The following MRPS5 variants were observed in gnomAD, a reference collection of about 807,000 sequenced individuals.
MRPS5 encodes the protein small ribosomal subunit protein uS5m.
A neutral mutation model predicts 51.9 loss-of-function variants in MRPS5; 27 were observed. That is an observed-to-expected ratio of 0.52 (90% confidence interval 0.38 to 0.72). The LOEUF is 0.72. MRPS5 is among the 30% of genes least tolerant of loss of function. MRPS5 has a pLI of 0.00. For missense variants in MRPS5, 570 were observed against 545.7 expected, an observed-to-expected ratio of 1.04 and a Z score of -0.44; for synonymous variants, 196 against 193.2, an observed-to-expected ratio of 1.01 and a Z score of -0.12.
At chr2:95,088,283 A>G (rs1051790433) in intron 11 of MRPS5, among the ~76,000 whole-genome samples, 3 of 152,194 alleles carry the variant, frequency 2.0e-5, no homozygotes, top group Admixed American at 6.5e-5. Context: ...GAAGATACAT[A>G]CTAAAATATT....
chr2:95,090,855 G>GTCTCT (rs936550630), intron 10 of MRPS5: 16 of 251,202 alleles, frequency 6.4e-5, no homozygotes, highest in African/African-American at 3.3e-4. Flanking sequence ...GGAGGGACAC[G>GTCTCT]TCTCTTCTCA....
intron 1 of MRPS5, 42 bp downstream of exon 1, chr2:95,121,692 C>A (rs765409450): frequency 6.6e-7 from 1 of 1,522,678 alleles, no homozygotes; most frequent in Non-Finnish European, 8.8e-7. Context: ...CCCCCACTCC[C>A]GGCCCGCTCA....
chr2:95,104,540 G>T, intron 7 of MRPS5, 100 bp downstream of exon 7: 1 of 1,279,952 alleles, frequency 7.8e-7, no homozygotes, highest in Non-Finnish European at 1.1e-6. Flanking sequence ...AATGGAAAAA[G>T]TCCGGCCAGC....
intron 2 of MRPS5, 36 bp downstream of exon 2, chr2:95,117,829 C>A: frequency 6.7e-7 from 1 of 1,499,408 alleles, no homozygotes; most frequent in African/African-American, 1.4e-5. Flanking sequence ...GACATTAGAT[C>A]TTATGAGAAA....
chr2:95,105,670 A>G (rs1675928913), intron 6 of MRPS5, among the ~76,000 whole-genome samples: 1 of 152,200 alleles, frequency 6.6e-6, no homozygotes, highest in Admixed American at 6.5e-5. Flanking sequence ...GCTTGAATCC[A>G]CCTCTGTGGA....
chr2:95,102,742 A>C (rs1675840211), intron 7 of MRPS5, among the ~76,000 whole-genome samples: 1 of 152,188 alleles, frequency 6.6e-6, no homozygotes. Flanking sequence ...TGGAACTTCA[A>C]ATGGAATTCA....
At chr2:95,106,116 C>A (rs1452962901) in intron 6 of MRPS5, among the ~76,000 whole-genome samples, 1 of 152,172 alleles carries the variant, frequency 6.6e-6, no homozygotes, top group East Asian at 1.9e-4. Context: ...ATAATTCAAA[C>A]ATAGACTCCC....
chr2:95,115,628 T>TA (rs1267040806), intron 2 of MRPS5, among the ~76,000 whole-genome samples: 1 of 152,176 alleles, frequency 6.6e-6, no homozygotes, highest in East Asian at 1.9e-4. Context: ...CTCTTCATGT[T>TA]AAAAAACAAG....
At chr2:95,115,256 A>C in intron 2 of MRPS5, 53 bp from the exon 3 acceptor site, 1 of 1,413,282 alleles carries the variant, frequency 7.1e-7, no homozygotes, top group Non-Finnish European at 9.4e-7. Flanking sequence ...CTGTGGAAAA[A>C]CACTGCTAGC....
At position 95,108,495 on chromosome 2, in the gene MRPS5, T is replaced by C. The variant is rs1676019237; in HGVS notation, c.404-87A>G. On this transcript the variant is annotated intron_variant, in intron 4 of 11. Transcript: ENST00000272418. The stretch of plus-strand genomic sequence containing the variant: ...TGTCAGGCAATGCATGTACAGATAA[T>C]GATGACACACTGTTCACTGGAGCTT... 3 of 1,071,952 alleles carry C rather than the reference T, an allele frequency of 2.8e-6. No homozygotes were observed. The South Asian group carries it at 4.5e-5, about 16-fold the overall frequency. 66.4% of individuals were successfully genotyped at this position (1,071,952 alleles called of 1,614,324 possible). A position where few individuals can be genotyped will look rare whatever the true frequency, so the allele number is the denominator to read the frequency against.
chr2:95,109,833 A>ATGCT, intron 4 of MRPS5, 83 bp downstream of exon 4: 1 of 1,466,878 alleles, frequency 6.8e-7, no homozygotes. Context: ...AAATGTTTTG[A>ATGCT]TGCTTCTAGT....
chr2:95,098,923 T>TA (rs70964857), intron 10 of MRPS5, among the ~76,000 whole-genome samples: 90,237 of 132,416 alleles, frequency 0.68, 30,744 homozygotes, highest in Admixed American at 0.75. Context: ...TTATTATTAT[T>TA]TTTTTTTTTT....
intron 10 of MRPS5, among the ~76,000 whole-genome samples, chr2:95,096,329 A>G (rs930731392): frequency 2.0e-5 from 3 of 152,186 alleles, no homozygotes; most frequent in African/African-American, 7.2e-5. Context: ...TCCCTAACTC[A>G]TTTTATGAGG....
At position 95,100,828 on chromosome 2, in the gene MRPS5, A is replaced by G. The variant is rs574944984; in HGVS notation, c.868+9T>C. ...CAAATTAAAAAAAAAAAAATAGATT[A>G]TCACTCACTTGTATGGTCTTCATAT... is the stretch of plus-strand genomic sequence containing the variant. On this transcript the variant is annotated intron_variant, in intron 9 of 11. Transcript: ENST00000272418. The G allele has an allele frequency of 1.3e-6, 2 of 1,578,814 alleles. No homozygotes were observed. Among genetic ancestry groups the G allele is most frequent in the African/African-American group, 2.7e-5 (2 of 73,452 alleles).
chr2:95,112,074 T>G (rs926652041), intron 3 of MRPS5, among the ~76,000 whole-genome samples: 13 of 152,302 alleles, frequency 8.5e-5, no homozygotes, highest in Non-Finnish European at 1.8e-4. Flanking sequence ...ATGTTTTGTT[T>G]TTTTTTGGAG....
At chr2:95,113,518 G>C (rs1043793505) in intron 3 of MRPS5, among the ~76,000 whole-genome samples, 6 of 151,938 alleles carry the variant, frequency 3.9e-5, no homozygotes, top group Admixed American at 3.9e-4. Flanking sequence ...AATTCCCAAG[G>C]CTTGTAAATC....
intron 5 of MRPS5, chr2:95,106,809 T>C (rs866868250): frequency 1.5e-5 from 5 of 336,536 alleles, no homozygotes; most frequent in Non-Finnish European, 2.8e-5. Context: ...CCACGAAACT[T>C]TGTGATGCCC....
intron 8 of MRPS5, among the ~76,000 whole-genome samples, chr2:95,101,435 C>T (rs1675799310): frequency 6.6e-6 from 1 of 151,436 alleles, no homozygotes; most frequent in South Asian, 2.1e-4. Flanking sequence ...AACATTCTGT[C>T]AGTGTTCAAA....
intron 1 of MRPS5, among the ~76,000 whole-genome samples, chr2:95,118,292 C>G (rs1183237404): frequency 6.6e-6 from 1 of 152,208 alleles, no homozygotes; most frequent in Non-Finnish European, 1.5e-5. Flanking sequence ...AATCTCTCCC[C>G]CTCTGCTTCA....
Sources: gnomAD v4.1 joint callset for allele counts (sites outside exome capture counted in the v4.1 genomes callset) on GRCh38, gnomAD v4.1.1 for gene constraint, MANE v1.5 for transcripts, NCBI Gene and HGNC (gene_info 2026-07-23, HGNC 2026-07-21) for gene names.